The following TMEM164 variants were observed in gnomAD, a reference collection of about 807,000 sequenced individuals.
TMEM164 encodes transmembrane protein 164.
TMEM164 carries 4 observed loss-of-function variants against 18.8 expected under a neutral mutation model. The ratio of observed to expected loss-of-function variants is 0.21; its 90% CI spans 0.10 to 0.49. TMEM164 has a LOEUF of 0.49. Among genes scored for constraint, TMEM164 ranks in the 20% least tolerant of loss-of-function variants. The probability of loss-of-function intolerance (pLI) is 0.98; values close to 1 mark genes in which losing one functional copy is unlikely to be tolerated. For synonymous variants in TMEM164, 86 were observed against 101.7 expected (o/e 0.85, Z 0.93); for missense variants, 108 against 239.9 (o/e 0.45, Z 3.63).
At chrX:110,158,000 C>T (rs2067041290) in intron 5 of TMEM164, among the ~76,000 whole-genome samples, 1 of 111,208 alleles carries the variant, frequency 9.0e-6, no homozygotes, top group African/African-American at 3.3e-5. Context: ...GATTCTCCTG[C>T]CTTAGCCTCC....
At chrX:110,084,426 G>T (rs1217997895) in intron 3 of TMEM164, among the ~76,000 whole-genome samples, 1 of 85,928 alleles carries the variant, frequency 1.2e-5, no homozygotes, top group Non-Finnish European at 2.2e-5. Context: ...TATATATATA[G>T]TATAGTATAT....
intron 2 of TMEM164, among the ~76,000 whole-genome samples, chrX:110,013,812 C>T (rs1189223837): frequency 8.9e-6 from 1 of 111,832 alleles, no homozygotes; most frequent in Admixed American, 9.5e-5. Flanking sequence ...AAGTATTTAG[C>T]AGAATTTCTG....
At chrX:110,050,529 A>G (rs995533109) in intron 2 of TMEM164, among the ~76,000 whole-genome samples, 4 of 111,876 alleles carry the variant, frequency 3.6e-5, no homozygotes, top group African/African-American at 1.3e-4. Flanking sequence ...AGAAAAGAGA[A>G]CAAAAGGCCA....
intron 5 of TMEM164, among the ~76,000 whole-genome samples, chrX:110,154,771 A>G (rs979565627): frequency 2.7e-5 from 3 of 111,934 alleles, no homozygotes; most frequent in African/African-American, 6.5e-5. Context: ...AGATGCCTCT[A>G]TGCTGCCTGT....
rs2066270058 is a variant in TMEM164, at chrX:110,110,073, T to G, written c.507+927T>G. ...GTGTTTGAGGTAGACAGGGCAAGAATTATGGCCTCTTGTTTTACAGAGGAA... is the reference window on the plus strand; with the variant it reads ...GTGTTTGAGGTAGACAGGGCAAGAAGTATGGCCTCTTGTTTTACAGAGGAA... On this transcript the variant is annotated intron_variant, in intron 4 of 6. Coordinates refer to ENST00000372068, the MANE Select transcript of TMEM164 (RefSeq NM_032227.4). Among the ~76,000 whole-genome samples, 3 of 111,539 alleles carry G rather than the reference T, an allele frequency of 2.7e-5. No homozygotes were observed. In the Admixed American group the frequency reaches 2.9e-4, roughly 11 times the overall value.
At chrX:110,070,315 CA>C (rs1037860939) in intron 3 of TMEM164, among the ~76,000 whole-genome samples, 2 of 110,174 alleles carry the variant, frequency 1.8e-5, no homozygotes, top group Non-Finnish European at 3.8e-5. Flanking sequence ...GACTCTGTCT[CA>C]AAAAAAACAT....
chrX:110,085,008 G>A (rs1179937071), intron 3 of TMEM164, among the ~76,000 whole-genome samples: 1 of 110,519 alleles, frequency 9.0e-6, no homozygotes, highest in East Asian at 2.8e-4. Flanking sequence ...GTTTCATAGA[G>A]TCCATGTTTT....
intron 2 of TMEM164, among the ~76,000 whole-genome samples, chrX:110,026,953 A>C (rs1329030542): frequency 8.9e-6 from 1 of 111,962 alleles, no homozygotes; most frequent in East Asian, 2.8e-4. Context: ...TGGGTTCTCT[A>C]TCTTGGCAAT....
intron 3 of TMEM164, among the ~76,000 whole-genome samples, chrX:110,072,556 A>T (rs1247105055): frequency 1.8e-5 from 2 of 111,068 alleles, no homozygotes; most frequent in African/African-American, 3.3e-5. Flanking sequence ...TTTATAATTT[A>T]AAAATATCTC....
intron 2 of TMEM164, among the ~76,000 whole-genome samples, chrX:110,061,200 T>C (rs939530316): frequency 2.7e-5 from 3 of 112,677 alleles, no homozygotes; most frequent in Non-Finnish European, 5.6e-5. Context: ...CTATTATGTA[T>C]TGAGTGCTAG....
chrX:110,173,049 C>T (rs1012047408), intron 6 of TMEM164, among the ~76,000 whole-genome samples, 196 bp from the exon 7 acceptor site: 1 of 111,967 alleles, frequency 8.9e-6, no homozygotes, highest in African/African-American at 3.3e-5. Flanking sequence ...GACGGCCCTC[C>T]GCCATCACCT....
At chrX:110,152,840 C>A (rs1281748047) in intron 5 of TMEM164, among the ~76,000 whole-genome samples, 3 of 111,549 alleles carry the variant, frequency 2.7e-5, no homozygotes, top group African/African-American at 6.5e-5. Context: ...CCCCCTAAGC[C>A]CATTCCTGGA....
At position 110,060,530 on chromosome X, in the gene TMEM164, C is replaced by T. The variant is rs59002778; in HGVS notation, c.391-6817C>T. ...AGCTTCCCCTAATGTTAACATTTTA[C>T]ATAACTATGGTAAAATTATTAAAAC... On this transcript the variant is annotated intron_variant, in intron 2 of 6. Transcript: ENST00000372068. Among the ~76,000 whole-genome samples, 953 of 112,022 alleles carry T rather than the reference C, an allele frequency of 8.5e-3. 18 individuals are homozygous for T. Among genetic ancestry groups the T allele is most frequent in the African/African-American group, 0.029 (899 of 30,912 alleles).
chrX:110,150,112 A>G (rs2066919032), intron 5 of TMEM164, among the ~76,000 whole-genome samples: 1 of 112,459 alleles, frequency 8.9e-6, no homozygotes, highest in African/African-American at 3.2e-5. Context: ...TCTGAAAGAA[A>G]GGAACATGCT....
chrX:110,160,836 G>A (rs1230723879), intron 5 of TMEM164, among the ~76,000 whole-genome samples: 3 of 112,047 alleles, frequency 2.7e-5, no homozygotes, highest in Non-Finnish European at 5.6e-5. Context: ...CACCTCCTGG[G>A]TTCAAGGGAT....
At chrX:110,084,318 A>G (rs1399440618) in intron 3 of TMEM164, among the ~76,000 whole-genome samples, 2 of 78,712 alleles carry the variant, frequency 2.5e-5, no homozygotes. Context: ...AGCTTGGCCA[A>G]CATGGTGAAA....
At chrX:110,150,849 G>T (rs763814104) in intron 5 of TMEM164, among the ~76,000 whole-genome samples, 1 of 111,327 alleles carries the variant, frequency 9.0e-6, no homozygotes, top group African/African-American at 3.3e-5. Context: ...ACATTGTGTG[G>T]ATGATAGAAT....
At chrX:110,017,492 CTCCCTCCCTCCCTCCCTCCCTCCTTCCT>C (rs1266440691) in intron 2 of TMEM164, among the ~76,000 whole-genome samples, 1 of 4,678 alleles carries the variant, frequency 2.1e-4, no homozygotes, top group Non-Finnish European at 5.6e-4. Flanking sequence ...CCCTCCCTCC[CTCCCTCCCTCCCTCCCTCCCTCCTTCCT>C]TCCTTCCTTC....
chrX:110,173,222 C>T (rs1289626639), intron 6 of TMEM164, 23 bp from the exon 7 acceptor site: 13 of 1,204,076 alleles, frequency 1.1e-5, no homozygotes, highest in Non-Finnish European at 1.5e-5. Context: ...TGAACGCTCA[C>T]TCTACCTCCC....
Sources: allele counts gnomAD v4.1 joint callset (sites outside exome capture counted in the v4.1 genomes callset), GRCh38; gene constraint gnomAD v4.1.1; transcripts MANE v1.5; gene names NCBI Gene and HGNC (gene_info 2026-07-23, HGNC 2026-07-21).